NEB: variants seen among roughly 807,000 people sequenced by gnomAD.
The protein encoded by NEB is nemaline myopathy type 2.
Under a neutral mutation model 952.2 loss-of-function variants are expected in NEB, and 512 were observed. The ratio of observed to expected loss-of-function variants is 0.54; its 90% confidence interval spans 0.50 to 0.58. NEB has a LOEUF of 0.58. NEB is among the 20% of genes least tolerant of loss of function. The pLI is 0.00. For missense variants in NEB, 8,428 were observed against 9,231.1 expected, an observed-to-expected ratio of 0.91 and a Z score of 3.56; for synonymous variants, 2,900 against 3,149.8, an observed-to-expected ratio of 0.92 and a Z score of 2.66.
intron 157 of NEB, among the ~76,000 whole-genome samples, chr2:151,515,672 T>C (rs904849956): frequency 3.3e-5 from 5 of 152,218 alleles, no homozygotes; most frequent in Non-Finnish European, 7.3e-5. Flanking sequence ...GGAACTCTAC[T>C]TTTGTAATTT....
At chr2:151,548,850 A>G (rs1427348943) in intron 130 of NEB, among the ~76,000 whole-genome samples, 1 of 152,130 alleles carries the variant, frequency 6.6e-6, no homozygotes, top group Admixed American at 6.5e-5. Context: ...TCTACTTTGG[A>G]AGTACATTAT....
At position 151,697,653 on chromosome 2, in the gene NEB, C is replaced by G. The variant is rs747738880; in HGVS notation, c.1153-5G>C. 4 of 1,585,906 alleles carry G rather than the reference C, an allele frequency of 2.5e-6. No individual in the cohort carries two copies. Among genetic ancestry groups the G allele is most frequent in the Non-Finnish European group, 3.4e-6 (4 of 1,168,776 alleles). On this transcript the variant is annotated splice_region_variant and splice_polypyrimidine_tract_variant and intron_variant, in intron 13 of 181. Coordinates refer to ENST00000397345, the MANE Select transcript of NEB (RefSeq NM_001164508.2). ...ATAGTTTTCCTTGTATAGTTTCTGTCAAAGAAAAAAAATTCAGTTAAAGTA... is the reference window on the plus strand; with the variant it reads ...ATAGTTTTCCTTGTATAGTTTCTGTGAAAGAAAAAAAATTCAGTTAAAGTA...
At chr2:151,710,610 T>C in intron 10 of NEB, 72 bp from the exon 11 acceptor site, 1 of 910,234 alleles carries the variant, frequency 1.1e-6, no homozygotes, top group East Asian at 2.5e-5. Flanking sequence ...AATTAAGAAA[T>C]AATGATTAAC....
At chr2:151,676,949 C>T (rs748015381) in intron 34 of NEB, among the ~76,000 whole-genome samples, 5 of 152,224 alleles carry the variant, frequency 3.3e-5, no homozygotes, top group Middle Eastern at 3.4e-3. Context: ...AATAAATAAA[C>T]GAGTGAATGC....
intron 9 of NEB, among the ~76,000 whole-genome samples, chr2:151,723,168 G>C (rs1013226978): frequency 6.6e-6 from 1 of 152,160 alleles, no homozygotes. Flanking sequence ...CCTATAAGAA[G>C]AGGGAACTGG....
rs2098130866 is a variant in NEB at position 151,614,629 on chromosome 2, A to G, written c.11290-42T>C. 3 of 1,552,696 alleles carry G rather than the reference A, an allele frequency of 1.9e-6. No homozygotes were observed. In the South Asian group the frequency reaches 3.5e-5, roughly 18 times the overall value. On this transcript the variant is annotated intron_variant, in intron 76 of 181. Transcript: ENST00000397345. ...ATGAGTATAATGACAAGAACATCTT[A>G]TATAATCATGTTTCATAGGTTCACA...
chr2:151,646,093 A>G (rs1376684298), intron 55 of NEB, 37 bp downstream of exon 55: 1 of 1,428,546 alleles, frequency 7.0e-7, no homozygotes, highest in African/African-American at 1.4e-5. Context: ...AATTAAAATG[A>G]GCTTTCTGAA....
chr2:151,657,939 T>C, intron 48 of NEB, 44 bp downstream of exon 48: 1 of 1,385,296 alleles, frequency 7.2e-7, no homozygotes, highest in Non-Finnish European at 1.0e-6. Flanking sequence ...TTATTTCGGT[T>C]CCTTAGAAAC....
intron 120 of NEB, 60 bp downstream of exon 120, chr2:151,562,551 G>T (rs917091226): frequency 2.1e-6 from 3 of 1,434,526 alleles, no homozygotes; most frequent in Non-Finnish European, 1.9e-6. Context: ...GGGTTGGGGG[G>T]TAGCCAAGAC....
chr2:151,513,432 AT>A (rs2075870075), intron 160 of NEB, 147 bp downstream of exon 160: 2 of 633,332 alleles, frequency 3.2e-6, no homozygotes, highest in Non-Finnish European at 2.7e-6. Flanking sequence ...CCATCCTTTC[AT>A]TGGGATGGCT....
chr2:151,507,228 T>G (rs2069867148), intron 162 of NEB: 1 of 482,614 alleles, frequency 2.1e-6, no homozygotes, highest in African/African-American at 2.0e-5. Flanking sequence ...TTTGTTTTTG[T>G]TTAAGTATCC....
At chr2:151,559,261 G>A (rs866507194) in intron 124 of NEB, among the ~76,000 whole-genome samples, 14 of 152,216 alleles carry the variant, frequency 9.2e-5, no homozygotes, top group Non-Finnish European at 1.5e-4. Flanking sequence ...ACGCCAGTTA[G>A]AATGGTGATC....
At position 151,707,006 on chromosome 2, in the gene NEB, G is replaced by T; in HGVS notation, c.1036-9C>A. ...TCTTCTTTGTATTTTACCTGTAGGA[G>T]TGAAATAAAATGATAAAGTAACTCT... On this transcript the variant is annotated splice_polypyrimidine_tract_variant and intron_variant, in intron 12 of 181. Transcript: ENST00000397345. The T allele has an allele frequency of 6.5e-7, 1 of 1,528,230 alleles. No homozygotes were observed. The highest frequency in any genetic ancestry group is 8.9e-7 in the Non-Finnish European group (1 of 1,122,740). The allele number at this position is 1,528,230 out of a possible 1,614,324, so 94.7% of individuals were successfully genotyped here. A position where few individuals can be genotyped will look rare whatever the true frequency, so the allele number is the denominator to read the frequency against.
In NEB at chr2:151,570,611, A is replaced by C; in HGVS notation, c.17014-10T>G. ...CCTCACGGTAAAGTTTCTGAAAAGG[A>C]GAAAAATAAGGTATCATCCTAGATT... On this transcript the variant is annotated splice_polypyrimidine_tract_variant and intron_variant, in intron 107 of 181. Coordinates refer to ENST00000397345, the MANE Select transcript of NEB (RefSeq NM_001164508.2). The C allele has an allele frequency of 6.4e-7, 1 of 1,572,464 alleles. No homozygotes were observed. The highest frequency in any genetic ancestry group is 8.6e-7 in the Non-Finnish European group (1 of 1,158,144).
chr2:151,639,900 A>T lies in NEB; in HGVS notation c.8846T>A (p.Leu2949Gln). The T allele has an allele frequency of 6.2e-7, 1 of 1,613,962 alleles. No individual in the cohort carries two copies. Among genetic ancestry groups the T allele is most frequent in the South Asian group, 1.1e-5 (1 of 91,084 alleles). ...ATTATTTTTGGCCAACACTTGTTCC[A>T]GAGAGTCAGTCACACTGGTAAATTT... ...RFKFTSVTDS[L>Q]EQVLAKNNAI... Residue 2949 changes from leucine to glutamine, a missense_variant, in exon 62 of 182, where the codon CTG becomes CAG. Leu to Gln is a moderately radical substitution (Grantham distance 113). Transcript: ENST00000397345.
At chr2:151,572,768 C>T (rs1347884472) in intron 107 of NEB, among the ~76,000 whole-genome samples, 1 of 150,136 alleles carries the variant, frequency 6.7e-6, no homozygotes, top group African/African-American at 2.4e-5. Flanking sequence ...CCAGGCTGGT[C>T]TCGAACTCTG....
intron 6 of NEB, 59 bp from the exon 7 acceptor site, chr2:151,725,020 G>A (rs2099786201): frequency 7.5e-7 from 1 of 1,327,754 alleles, no homozygotes; most frequent in South Asian, 1.2e-5. Flanking sequence ...AGTATATTAA[G>A]GAATTTCTTA....
rs760558137 is a variant in NEB, at chr2:151,629,646, T to G, written c.9724A>C (p.Thr3242Pro). ...TCTTCATTGGCAAGTTTGTATAGAGTCTATGAAAAGAAAGGCAAAGAGTTA... is the reference window on the plus strand; with the variant it reads ...TCTTCATTGGCAAGTTTGTATAGAGGCTATGAAAAGAAAGGCAAAGAGTTA... The part of the protein sequence containing the change: ...ARQNKINYSE[T>P]LYKLANEEAK... The change falls in exon 68 of 182, where the codon ACT becomes CCT. Residue 3242 changes from threonine (T) to proline (P), a missense_variant and splice_region_variant. This residue lies in a region of NEB where 1,772 missense variants were observed against 1,960.3 expected (regional missense o/e 0.90). Transcript: ENST00000397345. 1 of 1,612,364 alleles carries G rather than the reference T, an allele frequency of 6.2e-7. No individual in the cohort carries two copies.
rs996178679 is a variant in NEB at position 151,665,617 on chromosome 2, T to A, written c.5032-78A>T. On this transcript the variant is annotated intron_variant, in intron 41 of 181. Coordinates refer to ENST00000397345, the MANE Select transcript of NEB (RefSeq NM_001164508.2). ...CTTTGGCTATGTGATTTACTTACAA[T>A]CAAAAAGAAAAAGAGAAGCTGGGAG... The A allele has an allele frequency of 2.4e-6, 3 of 1,270,818 alleles. No homozygotes were observed. The Admixed American group carries it at 8.4e-5, about 35-fold the overall frequency. The allele number at this position is 1,270,818 out of a possible 1,614,324, so 78.7% of individuals were successfully genotyped here.
Sources: allele counts gnomAD v4.1 joint callset (sites outside exome capture counted in the v4.1 genomes callset), GRCh38; gene constraint gnomAD v4.1.1; regional missense constraint gnomAD v4.1.1; transcripts MANE v1.5; gene names NCBI Gene and HGNC (gene_info 2026-07-23, HGNC 2026-07-21).